Variants in MALT1 observed in about 807,000 individuals in gnomAD.
MALT1 encodes the protein mucosa-associated lymphoid tissue lymphoma translocation protein 1.
In MALT1, 36 loss-of-function variants were observed where a neutral mutation model predicts 85.5. That is an observed-to-expected ratio of 0.42 (90% CI 0.32 to 0.56). The LOEUF (loss-of-function observed/expected upper bound fraction) is 0.56, where lower values mean the gene tolerates loss of function less well. Among genes scored for constraint, MALT1 ranks in the 20% least tolerant of loss-of-function variants. MALT1 has a pLI of 0.10. For missense variants in MALT1, 716 were observed against 981.6 expected (o/e 0.73, Z 3.62); for synonymous variants, 359 against 361.3 (o/e 0.99, Z 0.07).
chr18:58,744,096 C>T (rs1166931326), intron 14 of MALT1, among the ~76,000 whole-genome samples: 1 of 152,080 alleles, frequency 6.6e-6, no homozygotes, highest in East Asian at 1.9e-4. Context: ...CAATTGTATG[C>T]ATATTTTTGA....
At chr18:58,688,621 G>A (rs1180180474) in intron 2 of MALT1, among the ~76,000 whole-genome samples, 2 of 147,744 alleles carry the variant, frequency 1.4e-5, no homozygotes, top group African/African-American at 5.0e-5. Flanking sequence ...ATAACTTTTA[G>A]AACCTGGCCA....
At chr18:58,672,072 C>T (rs1053513904) in intron 1 of MALT1, 3 of 351,910 alleles carry the variant, frequency 8.5e-6, no homozygotes, top group Non-Finnish European at 1.0e-5. Flanking sequence ...AGGGTGGAGG[C>T]AAAAGTGGCC....
intron 7 of MALT1, among the ~76,000 whole-genome samples, chr18:58,713,757 T>C (rs1308800943): frequency 6.6e-6 from 1 of 152,186 alleles, no homozygotes; most frequent in Non-Finnish European, 1.5e-5. Context: ...GTTCTAAAAT[T>C]AAAAGTTGAC....
At chr18:58,726,021 A>G (rs1347987720) in intron 10 of MALT1, among the ~76,000 whole-genome samples, 1 of 152,218 alleles carries the variant, frequency 6.6e-6, no homozygotes, top group African/African-American at 2.4e-5. Context: ...AGATCATGCC[A>G]CTGCACTCCA....
Position 58,748,047 on chromosome 18 carries a change from G to T in MALT1, c.*205G>T. ...TCCTCTTTCTAAGATTTTGTGAATTGGTTGAATAGTTCTATACAAATGAAG... is the reference window on the plus strand; with the variant it reads ...TCCTCTTTCTAAGATTTTGTGAATTTGTTGAATAGTTCTATACAAATGAAG... On this transcript the variant is annotated 3_prime_UTR_variant, in exon 17 of 17. Transcript: ENST00000649217. 1.8e-6 allele frequency: 1 copy of T among 553,866 alleles called. No homozygotes were observed. The allele number at this position is 553,866 out of a possible 1,614,324, so 34.3% of individuals were successfully genotyped here.
At position 58,752,936 on chromosome 18, in the gene MALT1, G is replaced by A. The variant is rs771207612; in HGVS notation, c.*5094G>A. 5.3e-5 allele frequency: 8 copies of A among 152,196 alleles called. No individual in the cohort carries two copies. Among genetic ancestry groups the A allele is most frequent in the Non-Finnish European group, 1.2e-4 (8 of 68,026 alleles). The allele number at this position is 152,196 out of a possible 1,614,324, so 9.4% of individuals were successfully genotyped here. On this transcript the variant is annotated 3_prime_UTR_variant, in exon 17 of 17. Coordinates refer to ENST00000649217, the MANE Select transcript of MALT1 (RefSeq NM_006785.4). ...TTGGCTTTATGAAGAAGGAGTCTGA[G>A]ACACCTCAGGTTTCAGCCCTTACTA...
At chr18:58,673,055 A>G (rs1212499260) in intron 1 of MALT1, among the ~76,000 whole-genome samples, 3 of 152,204 alleles carry the variant, frequency 2.0e-5, no homozygotes, top group Non-Finnish European at 2.9e-5. Flanking sequence ...AACTTCTCAA[A>G]TGACAAAGAT....
Position 58,735,268 on chromosome 18 carries a change from T to C in MALT1, c.1542T>C (p.Phe514=). 6.2e-7 allele frequency: 1 copy of C among 1,611,194 alleles called. No homozygotes were observed. Among genetic ancestry groups the C allele is most frequent in the Non-Finnish European group, 8.5e-7 (1 of 1,179,218 alleles). The change falls in exon 13 of 17, where the codon TTT becomes TTC. Residue 514 remains phenylalanine, a synonymous_variant. Coordinates refer to ENST00000649217, the MANE Select transcript of MALT1 (RefSeq NM_006785.4). ...TGGCAAATGGAATCTTTATGAAATT[T>C]TTAAAAGACAGATTATTAGAAGATA... is the stretch of plus-strand genomic sequence containing the variant. The part of the protein sequence containing the change: ...SGLANGIFMK[F]LKDRLLEDKK...
intron 1 of MALT1, among the ~76,000 whole-genome samples, chr18:58,674,475 T>C (rs2054211677): frequency 6.6e-6 from 1 of 152,084 alleles, no homozygotes; most frequent in Non-Finnish European, 1.5e-5. Context: ...AGATTAGTTT[T>C]GAGGAGGTTG....
In MALT1 at chr18:58,721,771, C is replaced by T. The variant is rs906983309; in HGVS notation, c.1019-1277C>T. Among the ~76,000 whole-genome samples, 13 of 152,148 alleles carry T rather than the reference C, an allele frequency of 8.5e-5. 1 individual carries two copies. Among genetic ancestry groups the T allele is most frequent in the Admixed American group, 2.6e-4 (4 of 15,284 alleles). ...AAATTACATATTGTAGACGTCGAGT[C>T]AGCAATGTGATTATTCATGCCTGTT... On this transcript the variant is annotated intron_variant, in intron 9 of 16. Coordinates refer to ENST00000649217, the MANE Select transcript of MALT1 (RefSeq NM_006785.4).
rs2055424688 is a variant in MALT1, at chr18:58,749,957, T to C, written c.*2115T>C. The C allele has an allele frequency of 4.8e-6, 1 of 208,284 alleles. No individual in the cohort carries two copies. Among genetic ancestry groups the C allele is most frequent in the Non-Finnish European group, 9.8e-6 (1 of 102,198 alleles). 12.9% of individuals were successfully genotyped at this position (208,284 alleles called of 1,614,324 possible). Reference sequence around the variant, plus strand: ...CTATTCAGCATTGTACTTGAAGTTCTAGCCACAGCAGTTAGGTTAGGAATT... The same window carrying C: ...CTATTCAGCATTGTACTTGAAGTTCCAGCCACAGCAGTTAGGTTAGGAATT... On this transcript the variant is annotated 3_prime_UTR_variant, in exon 17 of 17. Coordinates refer to ENST00000649217, the MANE Select transcript of MALT1 (RefSeq NM_006785.4).
intron 1 of MALT1, 68 bp from the exon 2 acceptor site, chr18:58,681,102 T>C: frequency 6.9e-7 from 1 of 1,452,332 alleles, no homozygotes; most frequent in African/African-American, 1.4e-5. Context: ...ACCACCGTGG[T>C]CCAGATATAT....
intron 9 of MALT1, among the ~76,000 whole-genome samples, chr18:58,719,151 G>A (rs2054945791): frequency 1.3e-5 from 2 of 152,158 alleles, no homozygotes. Context: ...TGTTCTGTGG[G>A]TTGGACTGGG....
chr18:58,727,638 T>G (rs1448319645), intron 10 of MALT1, among the ~76,000 whole-genome samples: 3 of 150,652 alleles, frequency 2.0e-5, no homozygotes, highest in African/African-American at 7.3e-5. Context: ...GTTTTTTTTT[T>G]TTTTGAGGAA....
intron 2 of MALT1, among the ~76,000 whole-genome samples, chr18:58,686,223 C>T (rs370057253): frequency 6.6e-6 from 1 of 152,322 alleles, no homozygotes. Flanking sequence ...GACGAGGTTT[C>T]ACCATGTTGG....
rs113698267 is a variant in MALT1 at position 58,696,312 on chromosome 18, A to G, written c.377-54A>G. On this transcript the variant is annotated intron_variant, in intron 2 of 16. Transcript: ENST00000649217. ...AATTTTTGGTTTCAGATGTATAAAC[A>G]AGGAAAATCCCTCTTGTGACTTTAA... 1.4e-3 allele frequency: 1,821 copies of G among 1,313,344 alleles called. 23 individuals are homozygous for G. In the African/African-American group the frequency reaches 0.025, roughly 18 times the overall value. 81.4% of individuals were successfully genotyped at this position (1,313,344 alleles called of 1,614,324 possible).
chr18:58,744,403 G>C lies in MALT1; in HGVS notation c.1819G>C (p.Glu607Gln). The C allele has an allele frequency of 6.2e-7, 1 of 1,611,028 alleles. No homozygotes were observed. Among genetic ancestry groups the C allele is most frequent in the South Asian group, 1.1e-5 (1 of 90,764 alleles). The change falls in exon 15 of 17, where the codon GAG becomes CAG. Residue 607 changes from glutamate to glutamine, a missense_variant. Physicochemically the swap from Glu to Gln is conservative, Grantham distance 29. Around this residue, in one of 4 missense-constraint regions of MALT1, gnomAD observed 260 missense variants for 323.7 expected, o/e 0.80. Coordinates refer to ENST00000649217, the MANE Select transcript of MALT1 (RefSeq NM_006785.4). ...GVQIQLGFAA[E>Q]FSNVMIIYTS... ...TCAGATTCAATTAGGATTTGCAGCT[G>C]AGTTTTCCAATGTCATGATCATCTA...
Position 58,671,721 on chromosome 18 carries a change from C to T in MALT1, c.78C>T (p.Ala26=), listed in dbSNP as rs1412736664. 1.6e-6 allele frequency: 2 copies of T among 1,279,664 alleles called. No homozygotes were observed. Among genetic ancestry groups the T allele is most frequent in the Non-Finnish European group, 2.0e-6 (2 of 1,013,288 alleles). 79.3% of individuals were successfully genotyped at this position (1,279,664 alleles called of 1,614,324 possible). A position where few individuals can be genotyped will look rare whatever the true frequency, so the allele number is the denominator to read the frequency against. ...APTGPLLAPP[A]GATLNRLREP... ...CGGGGCCGCTGCTCGCCCCTCCGGCCGGCGCGACCCTCAACCGCCTGCGGG... is the reference window on the plus strand; with the variant it reads ...CGGGGCCGCTGCTCGCCCCTCCGGCTGGCGCGACCCTCAACCGCCTGCGGG... Residue 26 remains alanine, a synonymous_variant, in exon 1 of 17, where the codon GCC becomes GCT. Coordinates refer to ENST00000649217, the MANE Select transcript of MALT1 (RefSeq NM_006785.4).
chr18:58,747,377 T>C (rs146947034), intron 16 of MALT1, 28 bp from the exon 17 acceptor site: 122 of 1,486,054 alleles, frequency 8.2e-5, no homozygotes, highest in Non-Finnish European at 1.1e-4. Flanking sequence ...TTGATGCCAA[T>C]AATAAACCAG....
Sources: gnomAD v4.1 joint callset for allele counts (sites outside exome capture counted in the v4.1 genomes callset) on GRCh38, gnomAD v4.1.1 for gene constraint, gnomAD v4.1.1 regional missense constraint, MANE v1.5 for transcripts, NCBI Gene and HGNC (gene_info 2026-07-23, HGNC 2026-07-21) for gene names.